Variants in TRHDE observed in about 807,000 individuals in gnomAD.
The protein encoded by TRHDE is thyrotropin-releasing hormone-degrading ectoenzyme.
A neutral mutation model predicts 125.7 loss-of-function variants in TRHDE; 72 were observed. The ratio of observed to expected loss-of-function variants is 0.57; its 90% CI spans 0.47 to 0.70. The LOEUF (loss-of-function observed/expected upper bound fraction) is 0.70, where lower values mean the gene tolerates loss of function less well. Among genes scored for constraint, TRHDE ranks in the 30% least tolerant of loss-of-function variants. The pLI is 0.00. For synonymous variants in TRHDE, 509 were observed against 509.1 expected (o/e 1.00, Z 0.00); for missense variants, 1,110 against 1,327.1 (o/e 0.84, Z 2.54).
At chr12:72,299,507 A>G (rs545619876) in intron 2 of TRHDE, among the ~76,000 whole-genome samples, 25 of 152,302 alleles carry the variant, frequency 1.6e-4, no homozygotes, top group African/African-American at 5.5e-4. Flanking sequence ...CTGTCATCTT[A>G]AAACCATAGA....
intron 2 of TRHDE, among the ~76,000 whole-genome samples, chr12:72,361,436 GAT>G (rs931834183): frequency 6.6e-6 from 1 of 151,554 alleles, no homozygotes; most frequent in Non-Finnish European, 1.5e-5. Context: ...AAGTGTAAAA[GAT>G]AAAAAATATC....
intron 3 of TRHDE, among the ~76,000 whole-genome samples, chr12:72,387,688 G>A (rs1872480437): frequency 6.6e-6 from 1 of 152,058 alleles, no homozygotes; most frequent in Non-Finnish European, 1.5e-5. Context: ...GTTGTGCAAG[G>A]GACCCAGTGG....
intron 5 of TRHDE, among the ~76,000 whole-genome samples, chr12:72,482,450 T>C (rs1269021026): frequency 6.6e-6 from 1 of 151,952 alleles, no homozygotes; most frequent in Admixed American, 6.6e-5. Flanking sequence ...TAGCTACCTA[T>C]TATTATTTTT....
rs1048449414 is a variant in TRHDE, at chr12:72,473,249, A to G, written c.1584+69A>G. The G allele has an allele frequency of 1.1e-5, 13 of 1,155,128 alleles. No homozygotes were observed. The East Asian group carries it at 2.5e-4, about 22-fold the overall frequency. The allele number at this position is 1,155,128 out of a possible 1,614,324, so 71.6% of individuals were successfully genotyped here. A position where few individuals can be genotyped will look rare whatever the true frequency, so the allele number is the denominator to read the frequency against. ...TCTAGTGTTACATTAGGCTTATACC[A>G]TCCTTAGAGATGACTAAAAATACCA... On this transcript the variant is annotated intron_variant, in intron 5 of 18. Coordinates refer to ENST00000261180, the MANE Select transcript of TRHDE (RefSeq NM_013381.3).
At chr12:72,105,722 T>A (rs1413932206) in exon 2 of TRHDE, 1 of 152,192 alleles carries the variant, frequency 6.6e-6, no homozygotes, top group Non-Finnish European at 1.5e-5. Flanking sequence ...TCCAAGTCTG[T>A]GCTTTTCACT....
chr12:72,520,972 A>C (rs1375025545), intron 6 of TRHDE, among the ~76,000 whole-genome samples: 2 of 152,212 alleles, frequency 1.3e-5, no homozygotes, highest in Admixed American at 1.3e-4. Context: ...TTAAACTTTA[A>C]GCTGAAAGAT....
At chr12:72,542,858 AAAGG>A (rs1305080423) in intron 7 of TRHDE, among the ~76,000 whole-genome samples, 7 of 151,378 alleles carry the variant, frequency 4.6e-5, no homozygotes, top group Non-Finnish European at 7.4e-5. Flanking sequence ...TTTTCTTAAA[AAAGG>A]AAGAAAAAGA....
At chr12:72,173,499 T>C (rs1008329853) in intron 2 of TRHDE, among the ~76,000 whole-genome samples, 6 of 152,148 alleles carry the variant, frequency 3.9e-5, no homozygotes, top group Non-Finnish European at 8.8e-5. Context: ...TAGGACACTC[T>C]TGAAATAGCC....
chr12:72,187,614 G>A (rs544372626), intron 2 of TRHDE, among the ~76,000 whole-genome samples: 1 of 152,182 alleles, frequency 6.6e-6, no homozygotes, highest in African/African-American at 2.4e-5. Flanking sequence ...CTCAAATGGG[G>A]TGAGAGATGT....
At chr12:72,461,682 C>A (rs369621610) in intron 3 of TRHDE, among the ~76,000 whole-genome samples, 1 of 151,466 alleles carries the variant, frequency 6.6e-6, no homozygotes, top group African/African-American at 2.4e-5. Context: ...ATGAGCATAT[C>A]CTATAATGTT....
At chr12:72,344,375 T>A (rs1870218637) in intron 2 of TRHDE, among the ~76,000 whole-genome samples, 1 of 152,184 alleles carries the variant, frequency 6.6e-6, no homozygotes, top group Non-Finnish European at 1.5e-5. Flanking sequence ...TTATCACATA[T>A]CTTTTAATTT....
chr12:72,607,950 T>TTGTC (rs1872515029), intron 12 of TRHDE, among the ~76,000 whole-genome samples: 1 of 152,180 alleles, frequency 6.6e-6, no homozygotes, highest in Non-Finnish European at 1.5e-5. Context: ...GAGTGTTGTA[T>TTGTC]TGTCTTCCTG....
chr12:72,117,830 C>G (rs1242668336), intron 2 of TRHDE, among the ~76,000 whole-genome samples: 1 of 148,872 alleles, frequency 6.7e-6, no homozygotes, highest in East Asian at 1.9e-4. Flanking sequence ...TTACTTGTAG[C>G]TATTGTAAAT....
chr12:72,110,590 T>C (rs538815452), intron 2 of TRHDE, among the ~76,000 whole-genome samples: 4 of 152,070 alleles, frequency 2.6e-5, no homozygotes, highest in African/African-American at 7.2e-5. Flanking sequence ...TACAAACACA[T>C]TGGGGAAAAA....
At chr12:72,227,120 G>A (rs918611966) in intron 2 of TRHDE, among the ~76,000 whole-genome samples, 1 of 152,036 alleles carries the variant, frequency 6.6e-6, no homozygotes, top group Admixed American at 6.6e-5. Flanking sequence ...AACTCTTCCT[G>A]GCTATTAATA....
At chr12:72,182,736 A>G (rs2139342502) in intron 2 of TRHDE, among the ~76,000 whole-genome samples, 1 of 152,320 alleles carries the variant, frequency 6.6e-6, no homozygotes, top group East Asian at 1.9e-4. Context: ...ATATGTCCAA[A>G]GATGCTCTTC....
At chr12:72,637,236 G>T (rs1592588109) in intron 15 of TRHDE, among the ~76,000 whole-genome samples, 1 of 152,296 alleles carries the variant, frequency 6.6e-6, no homozygotes, top group African/African-American at 2.4e-5. Context: ...TCTTGGGAGA[G>T]TGTTTGTGTC....
rs575873816 is a variant in TRHDE, at chr12:72,402,536, G to C, written c.1315+24415G>C. Among the ~76,000 whole-genome samples, 15 of 152,210 alleles carry C rather than the reference G, an allele frequency of 9.9e-5. No individual in the cohort carries two copies. In the East Asian group the frequency reaches 2.9e-3, roughly 29 times the overall value. On this transcript the variant is annotated intron_variant, in intron 3 of 18. Coordinates refer to ENST00000261180, the MANE Select transcript of TRHDE (RefSeq NM_013381.3). ...GCATGTCTTCCTACTGCCTGGGTCT[G>C]TCCCTTTGTCAAAATTTTCTCTTTT...
Position 72,369,257 on chromosome 12 carries a change from A to C in TRHDE, c.1189-8738A>C, listed in dbSNP as rs77808849. ...AATTTGTAGTCCTCCACCTTAGCTC[A>C]TTGCTATGATGTATTACCACCAGGG... On this transcript the variant is annotated intron_variant, in intron 2 of 18. Transcript: ENST00000261180. 7.3e-3 allele frequency among the ~76,000 whole-genome samples: 1,108 copies of C among 152,212 alleles called. 11 individuals carry two copies. The highest frequency in any genetic ancestry group is 0.026 in the African/African-American group (1,064 of 41,524).
Sources: gnomAD v4.1 joint callset for allele counts (sites outside exome capture counted in the v4.1 genomes callset) on GRCh38, gnomAD v4.1.1 for gene constraint, MANE v1.5 for transcripts, NCBI Gene and HGNC (gene_info 2026-07-23, HGNC 2026-07-21) for gene names.